FGGY: variants seen among roughly 807,000 people sequenced by gnomAD.
FGGY encodes FGGY carbohydrate kinase domain-containing protein.
FGGY carries 72 observed loss-of-function variants against 71.3 expected under a neutral mutation model. That is an observed-to-expected ratio of 1.01 (90% CI 0.84 to 1.23). FGGY has a LOEUF of 1.23. FGGY is among the 50% of genes most tolerant of loss of function. FGGY has a pLI of 0.00. For missense variants in FGGY, 668 were observed against 682.3 expected (o/e 0.98, Z 0.23); for synonymous variants, 251 against 250.3 (o/e 1.00, Z -0.02).
At chr1:59,497,122 A>G (rs1159446930) in intron 6 of FGGY, among the ~76,000 whole-genome samples, 4 of 152,210 alleles carry the variant, frequency 2.6e-5, no homozygotes, top group Non-Finnish European at 4.4e-5. Flanking sequence ...AGCCTTGTGA[A>G]GAATAGAGAA....
intron 5 of FGGY, among the ~76,000 whole-genome samples, chr1:59,446,002 T>C (rs2071148727): frequency 1.3e-5 from 2 of 152,228 alleles, no homozygotes; most frequent in African/African-American, 4.8e-5. Context: ...ATGGAAATAC[T>C]AATAATAGTA....
intron 1 of FGGY, among the ~76,000 whole-genome samples, chr1:59,313,988 A>G (rs1182116723): frequency 1.3e-5 from 2 of 151,684 alleles, no homozygotes; most frequent in Non-Finnish European, 2.9e-5. Context: ...TTGAGACAGA[A>G]TCTCGCTTTG....
rs552555563 is a variant in FGGY at position 59,420,707 on chromosome 1, A to G, written c.555-36254A>G. 4.6e-5 allele frequency among the ~76,000 whole-genome samples: 7 copies of G among 152,292 alleles called. No individual in the cohort carries two copies. In the East Asian group the frequency reaches 7.7e-4, roughly 17 times the overall value. The stretch of plus-strand genomic sequence containing the variant: ...GTGTCCATTAAGGGAAATGTACTCC[A>G]TATGTTTCTAATTCTTCTACCCTGA... On this transcript the variant is annotated intron_variant, in intron 5 of 15. Coordinates refer to ENST00000303721, the MANE Select transcript of FGGY (RefSeq NM_018291.5).
chr1:59,507,843 C>T (rs1396271225), intron 6 of FGGY, among the ~76,000 whole-genome samples: 1 of 151,988 alleles, frequency 6.6e-6, no homozygotes, highest in East Asian at 1.9e-4. Flanking sequence ...CCACATTTAT[C>T]TTCTTAAAAA....
At chr1:59,633,510 G>A (rs1390076547) in intron 10 of FGGY, among the ~76,000 whole-genome samples, 3 of 152,104 alleles carry the variant, frequency 2.0e-5, no homozygotes, top group African/African-American at 4.8e-5. Flanking sequence ...TAAGATGCCT[G>A]TTCCTTTGCC....
intron 10 of FGGY, among the ~76,000 whole-genome samples, chr1:59,635,029 G>A (rs990262970): frequency 6.6e-6 from 1 of 152,106 alleles, no homozygotes; most frequent in African/African-American, 2.4e-5. Context: ...GATCCACTTG[G>A]GATCACAGTT....
intron 14 of FGGY, among the ~76,000 whole-genome samples, chr1:59,725,125 A>T (rs2097931319): frequency 6.6e-6 from 1 of 152,180 alleles, no homozygotes; most frequent in Non-Finnish European, 1.5e-5. Context: ...ACTTTGAGTT[A>T]ATTTTTGCAG....
chr1:59,527,652 T>C (rs1241147160), intron 7 of FGGY, among the ~76,000 whole-genome samples: 1 of 152,246 alleles, frequency 6.6e-6, no homozygotes, highest in South Asian at 2.1e-4. Context: ...TACTTGTAAA[T>C]GTTTGCATCT....
chr1:59,661,180 A>G (rs1050101685), intron 12 of FGGY, among the ~76,000 whole-genome samples: 8 of 152,228 alleles, frequency 5.3e-5, no homozygotes, highest in South Asian at 2.1e-4. Flanking sequence ...ATGATATTCA[A>G]TTATTCTGTT....
At chr1:59,343,449 G>A (rs564106403) in intron 3 of FGGY, among the ~76,000 whole-genome samples, 2 of 152,096 alleles carry the variant, frequency 1.3e-5, no homozygotes, top group African/African-American at 4.8e-5. Context: ...ACACTTTCCT[G>A]CCTTTTGAAA....
intron 14 of FGGY, among the ~76,000 whole-genome samples, chr1:59,704,035 A>G (rs992198027): frequency 2.9e-4 from 44 of 152,166 alleles, no homozygotes; most frequent in Admixed American, 1.0e-3. Flanking sequence ...TCATGATTCA[A>G]AAGTTCTCAG....
chr1:59,304,194 G>A (rs2043141193), intron 1 of FGGY, among the ~76,000 whole-genome samples: 1 of 152,062 alleles, frequency 6.6e-6, no homozygotes, highest in Non-Finnish European at 1.5e-5. Context: ...TTTCTTCTAG[G>A]AGTTTTAATG....
intron 5 of FGGY, among the ~76,000 whole-genome samples, chr1:59,386,452 C>CT (rs773938460): frequency 2.6e-5 from 4 of 152,160 alleles, no homozygotes; most frequent in Non-Finnish European, 1.5e-5. Context: ...CGAACACACT[C>CT]TTATCACAAC....
chr1:59,719,633 C>T (rs182293321), intron 14 of FGGY, among the ~76,000 whole-genome samples: 83 of 152,228 alleles, frequency 5.5e-4, no homozygotes, highest in African/African-American at 2.0e-3. Flanking sequence ...AAACATTTAT[C>T]GAGAGCCTGC....
chr1:59,528,376 C>T (rs993142084), intron 7 of FGGY, among the ~76,000 whole-genome samples: 1 of 152,166 alleles, frequency 6.6e-6, no homozygotes, highest in African/African-American at 2.4e-5. Context: ...GAAGGAGACT[C>T]GCTTAGACTC....
intron 1 of FGGY, among the ~76,000 whole-genome samples, chr1:59,297,545 G>A (rs1025711231): frequency 6.6e-6 from 1 of 152,166 alleles, no homozygotes; most frequent in Non-Finnish European, 1.5e-5. Context: ...ACAAGGGGCC[G>A]GGCGCGGTGG....
intron 7 of FGGY, among the ~76,000 whole-genome samples, chr1:59,534,348 C>T (rs1376872622): frequency 3.9e-5 from 6 of 152,138 alleles, no homozygotes; most frequent in South Asian, 2.1e-4. Context: ...ACCAAATCTA[C>T]GTCTGATTGG....
chr1:59,327,451 G>A (rs1200936158), intron 2 of FGGY, among the ~76,000 whole-genome samples: 1 of 152,056 alleles, frequency 6.6e-6, no homozygotes, highest in African/African-American at 2.4e-5. Context: ...CATCTTCAGG[G>A]TCCACTTCTA....
intron 8 of FGGY, among the ~76,000 whole-genome samples, chr1:59,586,663 A>T (rs1398439790): frequency 6.6e-6 from 1 of 152,184 alleles, no homozygotes; most frequent in South Asian, 2.1e-4. Context: ...ATAATAATAA[A>T]AAATAAAAGA....
Sources: gnomAD v4.1 joint callset for allele counts (sites outside exome capture counted in the v4.1 genomes callset) on GRCh38, gnomAD v4.1.1 for gene constraint, MANE v1.5 for transcripts, NCBI Gene and HGNC (gene_info 2026-07-23, HGNC 2026-07-21) for gene names.